The following TMEFF2 variants were observed in gnomAD, a reference collection of about 807,000 sequenced individuals.
TMEFF2 encodes the protein tomoregulin-2.
In TMEFF2, 28 loss-of-function variants were observed where a neutral mutation model predicts 53.8. The ratio of observed to expected loss-of-function variants is 0.52; its 90% CI spans 0.39 to 0.71. The LOEUF is 0.71. Ranked by LOEUF, TMEFF2 falls within the 30% of genes least tolerant of loss-of-function variation. The pLI is 0.00. For synonymous variants in TMEFF2, 162 were observed against 166.3 expected, an observed-to-expected ratio of 0.97 and a Z score of 0.20; for missense variants, 353 against 455.2, an observed-to-expected ratio of 0.78 and a Z score of 2.04.
At chr2:191,998,603 C>T (rs1686280506) in intron 6 of TMEFF2, among the ~76,000 whole-genome samples, 1 of 151,874 alleles carries the variant, frequency 6.6e-6, no homozygotes, top group Non-Finnish European at 1.5e-5. Flanking sequence ...TAAGAAAATG[C>T]TTGTTTCTGA....
intron 5 of TMEFF2, among the ~76,000 whole-genome samples, chr2:192,021,098 T>C (rs1686848549): frequency 6.6e-6 from 1 of 152,148 alleles, no homozygotes; most frequent in South Asian, 2.1e-4. Flanking sequence ...CCTTACATCT[T>C]AAAGAGAGAC....
At chr2:192,054,535 T>C (rs1687855419) in intron 5 of TMEFF2, among the ~76,000 whole-genome samples, 1 of 152,124 alleles carries the variant, frequency 6.6e-6, no homozygotes, top group Admixed American at 6.5e-5. Flanking sequence ...CATACTGCCT[T>C]CATACCATGG....
At chr2:191,988,198 T>A (rs1686023847) in intron 7 of TMEFF2, among the ~76,000 whole-genome samples, 1 of 152,190 alleles carries the variant, frequency 6.6e-6, no homozygotes, top group Admixed American at 6.5e-5. Flanking sequence ...TAGAAGACAA[T>A]GTGGACACTT....
intron 4 of TMEFF2, among the ~76,000 whole-genome samples, chr2:192,112,747 T>C (rs557061912): frequency 6.6e-6 from 1 of 152,146 alleles, no homozygotes; most frequent in Admixed American, 6.6e-5. Context: ...CATGTGTTAT[T>C]GGAGGAACTT....
At chr2:192,118,866 A>G (rs976087430) in intron 4 of TMEFF2, among the ~76,000 whole-genome samples, 24 of 152,154 alleles carry the variant, frequency 1.6e-4, no homozygotes, top group Non-Finnish European at 3.2e-4. Context: ...TAATTCACAT[A>G]CATATTTTAA....
At chr2:191,977,452 A>T (rs1293551744) in intron 7 of TMEFF2, among the ~76,000 whole-genome samples, 1 of 152,098 alleles carries the variant, frequency 6.6e-6, no homozygotes, top group Non-Finnish European at 1.5e-5. Flanking sequence ...TCAGTAATGA[A>T]TTTTTTTTAA....
chr2:192,103,241 A>C (rs924378198), intron 4 of TMEFF2, among the ~76,000 whole-genome samples: 2 of 152,188 alleles, frequency 1.3e-5, no homozygotes, highest in Admixed American at 6.5e-5. Flanking sequence ...GAATATCACT[A>C]TCCCAAAGTG....
chr2:192,130,901 C>T (rs1376913865), intron 4 of TMEFF2, among the ~76,000 whole-genome samples: 2 of 150,210 alleles, frequency 1.3e-5, no homozygotes, highest in Admixed American at 6.6e-5. Context: ...AAAACTCCGG[C>T]GCTGGTCACG....
At chr2:192,012,683 A>C (rs1020337833) in intron 5 of TMEFF2, among the ~76,000 whole-genome samples, 13 of 152,182 alleles carry the variant, frequency 8.5e-5, no homozygotes, top group African/African-American at 3.1e-4. Flanking sequence ...GTAAAGTTCT[A>C]ATCAAAAGTA....
chr2:192,124,488 T>C (rs1381064996), intron 4 of TMEFF2, among the ~76,000 whole-genome samples: 1 of 152,200 alleles, frequency 6.6e-6, no homozygotes, highest in East Asian at 1.9e-4. Flanking sequence ...CTCCATTCTT[T>C]CTTCTGTGGA....
chr2:192,153,781 C>T (rs1690443622), intron 4 of TMEFF2, among the ~76,000 whole-genome samples: 1 of 151,808 alleles, frequency 6.6e-6, no homozygotes, highest in African/African-American at 2.4e-5. Context: ...GCTCAAAATA[C>T]TCTATACTCG....
At chr2:192,159,671 A>C (rs1198962968) in intron 4 of TMEFF2, among the ~76,000 whole-genome samples, 1 of 152,148 alleles carries the variant, frequency 6.6e-6, no homozygotes, top group Non-Finnish European at 1.5e-5. Flanking sequence ...AAAGCTTGTT[A>C]ATCTATTTCA....
intron 4 of TMEFF2, among the ~76,000 whole-genome samples, chr2:192,151,868 C>T (rs1690396637): frequency 6.6e-6 from 1 of 151,730 alleles, no homozygotes; most frequent in Non-Finnish European, 1.5e-5. Flanking sequence ...GGGCATGCAC[C>T]TGGCTAACTA....
chr2:192,122,126 T>A (rs1401158882), intron 4 of TMEFF2, among the ~76,000 whole-genome samples: 1 of 152,134 alleles, frequency 6.6e-6, no homozygotes, highest in African/African-American at 2.4e-5. Context: ...TCATTACACT[T>A]TATAAACATA....
intron 2 of TMEFF2, among the ~76,000 whole-genome samples, chr2:192,187,166 T>C (rs1221384909): frequency 6.6e-6 from 1 of 152,212 alleles, no homozygotes; most frequent in African/African-American, 2.4e-5. Context: ...TAGTCCTAAG[T>C]TGTCCTATCT....
chr2:192,075,318 T>TATATAAATATAA (rs1164934070), intron 4 of TMEFF2, among the ~76,000 whole-genome samples: 6 of 85,628 alleles, frequency 7.0e-5, no homozygotes, highest in Admixed American at 1.1e-4. Flanking sequence ...TATATATATA[T>TATATAAATATAA]ATATATATAT....
intron 5 of TMEFF2, among the ~76,000 whole-genome samples, chr2:192,013,745 C>T (rs1303778565): frequency 6.6e-6 from 1 of 152,336 alleles, no homozygotes; most frequent in South Asian, 2.1e-4. Flanking sequence ...ACCACTGCAC[C>T]TGGCCCATAC....
intron 4 of TMEFF2, among the ~76,000 whole-genome samples, chr2:192,110,952 TTC>T (rs752319712): frequency 6.6e-6 from 1 of 152,160 alleles, no homozygotes; most frequent in Non-Finnish European, 1.5e-5. Flanking sequence ...TTTGCTCTCA[TTC>T]TCTCTCTTGC....
chr2:192,135,826 T>G (rs1689990956), intron 4 of TMEFF2, among the ~76,000 whole-genome samples: 1 of 151,786 alleles, frequency 6.6e-6, no homozygotes, highest in African/African-American at 2.4e-5. Flanking sequence ...CTGTGATTTG[T>G]TCCTGCCCCA....
Sources: gnomAD v4.1 joint callset for allele counts (sites outside exome capture counted in the v4.1 genomes callset) on GRCh38, gnomAD v4.1.1 for gene constraint, MANE v1.5 for transcripts, NCBI Gene and HGNC (gene_info 2026-07-23, HGNC 2026-07-21) for gene names.